Variants in RMP64 observed in about 807,000 individuals in gnomAD.
The protein encoded by RMP64 is nucleolus and neural progenitor protein.
chr3:113,010,089 T>G, the RMP64 span, among the ~76,000 whole-genome samples: 6 of 152,084 alleles, frequency 3.9e-5, no homozygotes, highest in African/African-American at 1.4e-4. Context: ...AACTTGAACC[T>G]CAACAGGAGT....
At chr3:113,009,999 T>C in the RMP64 span, among the ~76,000 whole-genome samples, 8 of 145,046 alleles carry the variant, frequency 5.5e-5, no homozygotes, top group South Asian at 1.7e-3. Context: ...AGTTACTGAG[T>C]AAAACAGTAA....
chr3:113,008,256 T>C, the RMP64 span: 1 of 1,614,212 alleles, frequency 6.2e-7, no homozygotes, highest in Admixed American at 1.7e-5. Context: ...TTGAGTTTTT[T>C]GCTCCTGCAC....
the RMP64 span, chr3:113,008,387 G>C: frequency 6.2e-7 from 1 of 1,613,194 alleles, no homozygotes; most frequent in Non-Finnish European, 8.5e-7. Context: ...ATACTTGGTT[G>C]TCTTTAGTCT....
At chr3:113,014,044 A>G in the RMP64 span, 2 of 1,579,516 alleles carry the variant, frequency 1.3e-6, no homozygotes, top group East Asian at 2.2e-5. Flanking sequence ...TGAAAGAAGA[A>G]GAGCAGTTCA....
the RMP64 span, chr3:113,010,914 C>T: frequency 1.0e-5 from 9 of 901,018 alleles, no homozygotes; most frequent in Non-Finnish European, 1.2e-5. Context: ...CCTCTCTAAT[C>T]AATATGAGTC....
the RMP64 span, among the ~76,000 whole-genome samples, chr3:113,015,254 C>T: frequency 6.6e-6 from 1 of 152,228 alleles, no homozygotes; most frequent in East Asian, 1.9e-4. Context: ...CTATTGAGTG[C>T]TTACTGAACA....
the RMP64 span, chr3:113,012,800 T>C: frequency 1.2e-6 from 2 of 1,601,914 alleles, no homozygotes; most frequent in Non-Finnish European, 1.7e-6. Context: ...ACCTAGATGT[T>C]TCACAGTCAA....
At chr3:113,015,683 T>C in the RMP64 span, among the ~76,000 whole-genome samples, 1 of 152,150 alleles carries the variant, frequency 6.6e-6, no homozygotes, top group Admixed American at 6.5e-5. Context: ...TATTAAGCAG[T>C]TGTAAGGCAG....
chr3:113,017,283 G>GA, the RMP64 span, among the ~76,000 whole-genome samples: 5 of 150,802 alleles, frequency 3.3e-5, no homozygotes, highest in South Asian at 4.2e-4. Context: ...ATGCTTTTAG[G>GA]AAAAAAAAAG....
chr3:113,003,648 A>G, the RMP64 span: 1 of 152,228 alleles, frequency 6.6e-6, no homozygotes, highest in Non-Finnish European at 1.5e-5. Flanking sequence ...AACAAATGCT[A>G]GACTGGCAGC....
the RMP64 span, chr3:113,008,811 T>C: frequency 5.7e-6 from 1 of 175,482 alleles, no homozygotes; most frequent in Non-Finnish European, 1.2e-5. Flanking sequence ...TGCAGCTGAA[T>C]TAGATTGACA....
the RMP64 span, chr3:113,009,378 G>A: frequency 6.6e-6 from 1 of 152,142 alleles, no homozygotes; most frequent in Admixed American, 6.5e-5. Flanking sequence ...TTTATGTTTG[G>A]TGATCAATAG....
chr3:113,017,940 C>T, the RMP64 span, among the ~76,000 whole-genome samples: 1 of 152,190 alleles, frequency 6.6e-6, no homozygotes, highest in Admixed American at 6.5e-5. Flanking sequence ...ACACTTAACC[C>T]CCACCTTGAA....
chr3:113,005,875 C>T, the RMP64 span: 1 of 1,613,772 alleles, frequency 6.2e-7, no homozygotes, highest in East Asian at 2.2e-5. Context: ...TCTGTGGTTT[C>T]CTTTGTCTCC....
At chr3:113,008,000 C>T in the RMP64 span, among the ~76,000 whole-genome samples, 1 of 152,242 alleles carries the variant, frequency 6.6e-6, no homozygotes. Context: ...TCCAATGATA[C>T]AGCTTTGCTC....
the RMP64 span, chr3:113,013,541 G>A: frequency 1.3e-6 from 1 of 763,322 alleles, no homozygotes; most frequent in Non-Finnish European, 2.1e-6. Context: ...ATAGGGCAAG[G>A]TATGGCAGAA....
At chr3:113,010,357 C>G in the RMP64 span, 1 of 336,456 alleles carries the variant, frequency 3.0e-6, no homozygotes, top group Admixed American at 4.7e-5. Flanking sequence ...AGCCTATACT[C>G]TTAAGCTGCA....
chr3:113,004,411 A>G, the RMP64 span: 1 of 152,234 alleles, frequency 6.6e-6, no homozygotes, highest in African/African-American at 2.4e-5. Flanking sequence ...GAGATAACTG[A>G]GAAAATGGAG....
At chr3:113,005,894 T>G in the RMP64 span, 1 of 1,613,822 alleles carries the variant, frequency 6.2e-7, no homozygotes, top group Non-Finnish European at 8.5e-7. Context: ...CCGTAAAAAT[T>G]TATTCTGTGA....
Sources: gnomAD v4.1 joint callset for allele counts (sites outside exome capture counted in the v4.1 genomes callset) on GRCh38, gnomAD v4.1.1 for gene constraint, MANE v1.5 for transcripts, NCBI Gene and HGNC (gene_info 2026-07-23, HGNC 2026-07-21) for gene names.